The following DDX25 variants were observed in gnomAD, a reference collection of about 807,000 sequenced individuals.
The protein encoded by DDX25 is ATP-dependent RNA helicase DDX25.
DDX25 carries 70 observed loss-of-function variants against 64.6 expected under a neutral mutation model. The observed-to-expected ratio is 1.08, with a 90% CI of 0.89 to 1.32. The LOEUF (loss-of-function observed/expected upper bound fraction) is 1.32. DDX25 is among the 40% of genes most tolerant of loss of function. The probability of loss-of-function intolerance (pLI) is 0.00; values close to 1 mark genes in which losing one functional copy is unlikely to be tolerated. For missense variants in DDX25, 587 were observed against 604.4 expected (o/e 0.97, Z 0.30); for synonymous variants, 211 against 213.3 (o/e 0.99, Z 0.09).
chr11:125,904,674 C>A, intron 1 of DDX25, 94 bp downstream of exon 1: 1 of 1,342,822 alleles, frequency 7.4e-7, no homozygotes, highest in African/African-American at 1.5e-5. Flanking sequence ...AGCCCGCGAG[C>A]GTTCGAAGTG....
In DDX25 at chr11:125,921,070, G is replaced by A; in HGVS notation, c.1202-121G>A. 1 of 1,006,130 alleles carries A rather than the reference G, an allele frequency of 9.9e-7. No individual in the cohort carries two copies. The highest frequency in any genetic ancestry group is 2.6e-5 in the East Asian group (1 of 37,986). The allele number at this position is 1,006,130 out of a possible 1,614,324, so 62.3% of individuals were successfully genotyped here. A position where few individuals can be genotyped will look rare whatever the true frequency, so the allele number is the denominator to read the frequency against. On this transcript the variant is annotated intron_variant, in intron 10 of 11. Transcript: ENST00000263576. The surrounding 1 kb of genome is among the most constrained non-coding windows in gnomAD (Gnocchi z 4.1). ...CAAAGTACCTGTCTCAATTACATAA[G>A]CCCTGGTTGGATTTCTAAATTTTCT... is the stretch of plus-strand genomic sequence containing the variant.
intron 2 of DDX25, 85 bp downstream of exon 2, chr11:125,905,363 A>T: frequency 6.9e-7 from 1 of 1,455,806 alleles, no homozygotes; most frequent in Non-Finnish European, 9.4e-7. Context: ...CAAGTGAAAC[A>T]CCGCGGATTC....
At chr11:125,904,663 G>C (rs1207584657) in intron 1 of DDX25, 83 bp downstream of exon 1, 1 of 1,387,372 alleles carries the variant, frequency 7.2e-7, no homozygotes, top group Non-Finnish European at 9.6e-7. Context: ...AGGGGAGGGA[G>C]AGCCCGCGAG....
intron 4 of DDX25, among the ~76,000 whole-genome samples, chr11:125,907,485 G>A (rs1305753209): frequency 6.6e-6 from 1 of 152,022 alleles, no homozygotes; most frequent in Non-Finnish European, 1.5e-5. Flanking sequence ...GCGGGCGCCT[G>A]TAGTCCTAGC....
chr11:125,917,205 A>T lies in DDX25; in HGVS notation c.992A>T (p.Asn331Ile), dbSNP rs778195394. 1.9e-6 allele frequency: 3 copies of T among 1,610,526 alleles called. No individual in the cohort carries two copies. Among genetic ancestry groups the T allele is most frequent in the Non-Finnish European group, 2.5e-6 (3 of 1,178,614 alleles). ...AAAGACAAATACCAAGCTCTGTGCA[A>T]CATTTATGGCAGCATCACCATTGGT... ...HRKDKYQALC[N>I]IYGSITIGQA... Residue 331 changes from asparagine to isoleucine, a missense_variant, in exon 9 of 12, where the codon AAC (asparagine) becomes ATC (isoleucine). Coordinates refer to ENST00000263576, the MANE Select transcript of DDX25 (RefSeq NM_013264.5).
At chr11:125,917,278 G>A (rs375741829) in intron 9 of DDX25, 27 bp downstream of exon 9, 47 of 1,568,706 alleles carry the variant, frequency 3.0e-5, no homozygotes, top group Middle Eastern at 1.7e-4. Flanking sequence ...TGTCTTCATC[G>A]AGCCCAGATA....
In DDX25 at chr11:125,908,449, G is replaced by A. The variant is rs778449338; in HGVS notation, c.453G>A (p.Ala151=). ...AQSQSGTGKT[A]AFVLAMLSRV... ...GCCAGTCTGGAACAGGAAAGACAGC[G>A]GCATTTGTGTTGGCAATGTTAAGCA... The change falls in exon 6 of 12, where the codon GCG becomes GCA. Residue 151 remains alanine (A), a synonymous_variant. Transcript: ENST00000263576. 1.6e-4 allele frequency: 260 copies of A among 1,613,854 alleles called. 1 individual carries two copies. The highest frequency in any genetic ancestry group is 1.4e-3 in the South Asian group (130 of 91,090).
At chr11:125,903,580 T>C (rs1414789544), upstream of DDX25, 1 of 152,088 alleles carries the variant, frequency 6.6e-6, no homozygotes, top group Non-Finnish European at 1.5e-5. Flanking sequence ...GAAATGAATA[T>C]GATAATCTCA....
At chr11:125,910,736 CTTGG>C (rs1944955491) in intron 7 of DDX25, among the ~76,000 whole-genome samples, 1 of 152,182 alleles carries the variant, frequency 6.6e-6, no homozygotes, top group South Asian at 2.1e-4. Flanking sequence ...TAATTCAACA[CTTGG>C]TTGTTTTGTG....
rs561106194 is a variant in DDX25, at chr11:125,925,295, G to A, written c.*2414G>A. 40 of 408,120 alleles carry A rather than the reference G, an allele frequency of 9.8e-5. No homozygotes were observed. Among genetic ancestry groups the A allele is most frequent in the Non-Finnish European group, 1.7e-4 (34 of 199,114 alleles). 25.3% of individuals were successfully genotyped at this position (408,120 alleles called of 1,614,324 possible). A position where few individuals can be genotyped will look rare whatever the true frequency, so the allele number is the denominator to read the frequency against. On this transcript the variant is annotated 3_prime_UTR_variant, in exon 12 of 12. Transcript: ENST00000263576. The stretch of plus-strand genomic sequence containing the variant: ...TTTTGTTTGGCAGCTGTTCCCACAG[G>A]TCTGCATGAACCAGGTATTTTTCTG...
chr11:125,924,132 GTA>G lies in DDX25; in HGVS notation c.*1252_*1253del, dbSNP rs1338275555. 2.6e-5 allele frequency: 4 copies of G among 152,172 alleles called. No individual in the cohort carries two copies. Among genetic ancestry groups the G allele is most frequent in the African/African-American group, 4.8e-5 (2 of 41,406 alleles). 9.4% of individuals were successfully genotyped at this position (152,172 alleles called of 1,614,324 possible). ...ATATAAAAATTAGCTGGGCGTGGTG[GTA>G]CGCGTGCCTGTAATCCCAGCTACTC... On this transcript the variant is annotated 3_prime_UTR_variant, in exon 12 of 12. Coordinates refer to ENST00000263576, the MANE Select transcript of DDX25 (RefSeq NM_013264.5).
chr11:125,908,499 C>G lies in DDX25; in HGVS notation c.503C>G (p.Pro168Arg). The G allele has an allele frequency of 6.2e-7, 1 of 1,613,126 alleles. No individual in the cohort carries two copies. ...LSRVNALELF[P>R]QCLCLAPTYE... ...AGAGTTAATGCCTTGGAATTGTTCC[C>G]ACAGGTAAGGGAAGGCTGAGAGAAG... Residue 168 changes from proline (P) to arginine (R), a missense_variant, in exon 6 of 12, where the codon CCA (proline) becomes CGA (arginine). Pro to Arg is a moderately radical substitution (Grantham distance 103). Transcript: ENST00000263576.
intron 7 of DDX25, among the ~76,000 whole-genome samples, chr11:125,910,756 C>T (rs545022107): frequency 6.6e-6 from 1 of 152,282 alleles, no homozygotes; most frequent in African/African-American, 2.4e-5. Context: ...TTGTGCAGGA[C>T]AGCTTTTATT....
At chr11:125,912,575 CAAG>C (rs1057408103) in intron 8 of DDX25, among the ~76,000 whole-genome samples, 1 of 152,064 alleles carries the variant, frequency 6.6e-6, no homozygotes, top group African/African-American at 2.4e-5. Flanking sequence ...TTTATAATGA[CAAG>C]AAAAAAGTCC....
intron 3 of DDX25, 113 bp downstream of exon 3, chr11:125,905,710 G>C: frequency 9.0e-7 from 1 of 1,106,496 alleles, no homozygotes; most frequent in South Asian, 1.5e-5. Context: ...CTTTGCTTCT[G>C]TTTTCTTATA....
Position 125,908,520 on chromosome 11 carries a change from A to G in DDX25, c.507+17A>G. 1.2e-6 allele frequency: 2 copies of G among 1,611,600 alleles called. No homozygotes were observed. Among genetic ancestry groups the G allele is most frequent in the Non-Finnish European group, 1.7e-6 (2 of 1,178,912 alleles). On this transcript the variant is annotated intron_variant, in intron 6 of 11. Transcript: ENST00000263576. ...TTCCCACAGGTAAGGGAAGGCTGAGAGAAGACTGGGAATGCTTGCACTACC... is the reference window on the plus strand; with the variant it reads ...TTCCCACAGGTAAGGGAAGGCTGAGGGAAGACTGGGAATGCTTGCACTACC...
rs1944884175 is a variant in DDX25 at position 125,906,225 on chromosome 11, C to A, written c.311+16C>A. 1.3e-6 allele frequency: 2 copies of A among 1,523,644 alleles called. No individual in the cohort carries two copies. The highest frequency in any genetic ancestry group is 1.8e-6 in the Non-Finnish European group (2 of 1,138,322). 94.4% of individuals were successfully genotyped at this position (1,523,644 alleles called of 1,614,324 possible). A position where few individuals can be genotyped will look rare whatever the true frequency, so the allele number is the denominator to read the frequency against. Reference sequence around the variant, plus strand: ...AGCTGCGGCTGTGAGTATTTTTACTCTTTTAATATGGGAAAAATGCTGAAA... The same window carrying A: ...AGCTGCGGCTGTGAGTATTTTTACTATTTTAATATGGGAAAAATGCTGAAA... On this transcript the variant is annotated intron_variant, in intron 4 of 11. Coordinates refer to ENST00000263576, the MANE Select transcript of DDX25 (RefSeq NM_013264.5).
At chr11:125,911,945 C>G (rs1193663968) in intron 8 of DDX25, among the ~76,000 whole-genome samples, 1 of 152,214 alleles carries the variant, frequency 6.6e-6, no homozygotes, top group African/African-American at 2.4e-5. Flanking sequence ...GCCTCTCTAT[C>G]AGGATCACCT....
Position 125,927,410 on chromosome 11 carries a change from C to T in DDX25, c.*4529C>T, listed in dbSNP as rs2134290357. On this transcript the variant is annotated 3_prime_UTR_variant, in exon 12 of 12. Transcript: ENST00000263576. The stretch of plus-strand genomic sequence containing the variant: ...AGGGGCTCTCTCTCCCTCTTGTATT[C>T]AGAAGAACTGAAAGTTTTCATAAGT... 6.6e-6 allele frequency: 1 copy of T among 152,306 alleles called. No homozygotes were observed. The highest frequency in any genetic ancestry group is 1.5e-5 in the Non-Finnish European group (1 of 68,032). The allele number at this position is 152,306 out of a possible 1,614,324, so 9.4% of individuals were successfully genotyped here. A position where few individuals can be genotyped will look rare whatever the true frequency, so the allele number is the denominator to read the frequency against.
Sources: gnomAD v4.1 joint callset for allele counts (sites outside exome capture counted in the v4.1 genomes callset) on GRCh38, gnomAD v4.1.1 for gene constraint, Gnocchi (gnomAD v3.1) non-coding constraint, MANE v1.5 for transcripts, NCBI Gene and HGNC (gene_info 2026-07-23, HGNC 2026-07-21) for gene names.